The following FRMD3 variants were observed in gnomAD, a reference collection of about 807,000 sequenced individuals.
The protein encoded by FRMD3 is FERM domain containing 3, also known as FERM domain-containing protein 3.
In FRMD3, 33 loss-of-function variants were observed where a neutral mutation model predicts 70.2. The observed-to-expected ratio is 0.47, with a 90% CI of 0.36 to 0.63. The LOEUF is 0.63. Among genes scored for constraint, FRMD3 ranks in the 20% least tolerant of loss-of-function variants. The pLI, the probability that FRMD3 is intolerant of heterozygous loss-of-function variation, is 0.00. For synonymous variants in FRMD3, 279 were observed against 255.9 expected, an observed-to-expected ratio of 1.09 and a Z score of -0.86; for missense variants, 632 against 711.4, an observed-to-expected ratio of 0.89 and a Z score of 1.27.
At chr9:83,259,843 T>G (rs1157566079) in intron 13 of FRMD3, among the ~76,000 whole-genome samples, 4 of 152,124 alleles carry the variant, frequency 2.6e-5, no homozygotes, top group African/African-American at 9.7e-5. Flanking sequence ...ATACTTGCTC[T>G]GGGAGGCATG....
chr9:83,378,571 A>G (rs1227854926), intron 2 of FRMD3, among the ~76,000 whole-genome samples: 1 of 129,064 alleles, frequency 7.7e-6, no homozygotes, highest in Non-Finnish European at 1.6e-5. Context: ...TATAAAATAT[A>G]CATATAAAAT....
At chr9:83,578,933 C>A in the FRMD3 span, among the ~76,000 whole-genome samples, 3 of 151,948 alleles carry the variant, frequency 2.0e-5, no homozygotes, top group East Asian at 5.8e-4. Flanking sequence ...AAGATTCCAC[C>A]AAAAAACTGC....
intron 1 of FRMD3, among the ~76,000 whole-genome samples, chr9:83,412,832 C>A (rs969496973): frequency 2.0e-5 from 3 of 151,564 alleles, no homozygotes; most frequent in East Asian, 1.9e-4. Flanking sequence ...TCATCTCTAC[C>A]AAAAATACAA....
downstream of FRMD3, chr9:83,243,315 C>G: frequency 8.1e-7 from 1 of 1,236,686 alleles, no homozygotes; most frequent in Non-Finnish European, 1.2e-6. Context: ...TGTCTCCACC[C>G]TGTAGAGAGT....
chr9:83,283,185 C>T (rs527400798), intron 13 of FRMD3, among the ~76,000 whole-genome samples: 23 of 152,254 alleles, frequency 1.5e-4, no homozygotes, highest in African/African-American at 4.3e-4. Context: ...TTCTTGGCAT[C>T]TCCTACCCTA....
chr9:83,398,774 G>A (rs1825872335), intron 1 of FRMD3, among the ~76,000 whole-genome samples: 1 of 152,238 alleles, frequency 6.6e-6, no homozygotes, highest in East Asian at 1.9e-4. Flanking sequence ...TTTTATTAAA[G>A]GCGTTTTTGT....
Position 83,290,657 on chromosome 9 carries a change from G to A in FRMD3, c.1141C>T (p.Gln381Ter). The change falls in exon 13 of 14, where the codon CAG becomes TAG. Residue 381 changes from glutamine (Q) to a stop codon, truncating the protein, a stop_gained. Coordinates refer to ENST00000304195, the MANE Select transcript of FRMD3 (RefSeq NM_174938.6). LOFTEE classifies it high-confidence loss of function. ...TCGCTGGGGGAAGGAAGCAGGGGCT[G>A]CAGGGGTTCCATGTTAATGATGAGC... ...KQLIINMEPL[Q>*]PLLPSPSEQE... 6.2e-7 allele frequency: 1 copy of A among 1,614,050 alleles called. No individual in the cohort carries two copies. The highest frequency in any genetic ancestry group is 8.5e-7 in the Non-Finnish European group (1 of 1,179,938).
At chr9:83,563,560 C>G in the FRMD3 span, among the ~76,000 whole-genome samples, 1 of 152,098 alleles carries the variant, frequency 6.6e-6, no homozygotes, top group African/African-American at 2.4e-5. Flanking sequence ...CACAGGCAAC[C>G]ATCCTTCCTC....
At chr9:83,448,656 T>A (rs1467632760) in intron 1 of FRMD3, among the ~76,000 whole-genome samples, 1 of 151,716 alleles carries the variant, frequency 6.6e-6, no homozygotes, top group Non-Finnish European at 1.5e-5. Context: ...TCCATTCCCC[T>A]CCCTAAGACC....
intron 13 of FRMD3, among the ~76,000 whole-genome samples, chr9:83,285,406 C>G (rs1355580101): frequency 6.6e-6 from 1 of 152,190 alleles, no homozygotes; most frequent in East Asian, 1.9e-4. Context: ...ATCTAACACC[C>G]ATTGCCACCC....
chr9:83,459,043 T>A (rs913824441), intron 1 of FRMD3, among the ~76,000 whole-genome samples: 6 of 152,168 alleles, frequency 3.9e-5, no homozygotes, highest in Admixed American at 6.5e-5. Context: ...ACCCACCCAA[T>A]AGAGTAAACA....
intron 6 of FRMD3, among the ~76,000 whole-genome samples, chr9:83,321,711 T>C (rs1835809447): frequency 6.6e-6 from 1 of 152,206 alleles, no homozygotes; most frequent in Admixed American, 6.5e-5. Flanking sequence ...AAAGTCCAAC[T>C]TCAGTTCAAA....
At chr9:83,491,915 G>A (rs959944356) in intron 1 of FRMD3, among the ~76,000 whole-genome samples, 1 of 152,234 alleles carries the variant, frequency 6.6e-6, no homozygotes, top group Non-Finnish European at 1.5e-5. Context: ...GAAATGAGAA[G>A]AGACAGGCGT....
At chr9:83,534,036 T>C (rs1237036722) in intron 1 of FRMD3, among the ~76,000 whole-genome samples, 1 of 152,198 alleles carries the variant, frequency 6.6e-6, no homozygotes, top group Non-Finnish European at 1.5e-5. Flanking sequence ...TCCACTCTAA[T>C]TGAAGTAGCA....
chr9:83,417,830 G>C (rs1359042856), intron 1 of FRMD3, among the ~76,000 whole-genome samples: 1 of 152,190 alleles, frequency 6.6e-6, no homozygotes, highest in Non-Finnish European at 1.5e-5. Context: ...CCAAGGAAGA[G>C]AGGAGTGAAG....
intron 1 of FRMD3, among the ~76,000 whole-genome samples, chr9:83,457,270 T>C (rs1827844875): frequency 6.6e-6 from 1 of 152,216 alleles, no homozygotes; most frequent in South Asian, 2.1e-4. Flanking sequence ...GTTCAACTAC[T>C]CAGAAATATC....
chr9:83,244,836 A>T lies in FRMD3; in HGVS notation c.*3082T>A. Reference sequence around the variant, plus strand: ...AAATATTAGACAAACCACAAAATATATTCCAAATACATAACATTTTACAAT... The same window carrying T: ...AAATATTAGACAAACCACAAAATATTTTCCAAATACATAACATTTTACAAT... On this transcript the variant is annotated 3_prime_UTR_variant, in exon 14 of 14. Coordinates refer to ENST00000304195, the MANE Select transcript of FRMD3 (RefSeq NM_174938.6). 1.0e-6 allele frequency: 1 copy of T among 984,398 alleles called. No homozygotes were observed. The highest frequency in any genetic ancestry group is 1.2e-6 in the Non-Finnish European group (1 of 829,000). The allele number at this position is 984,398 out of a possible 1,614,324, so 61.0% of individuals were successfully genotyped here.
chr9:83,342,674 G>A (rs1823802923), intron 5 of FRMD3, among the ~76,000 whole-genome samples: 1 of 148,492 alleles, frequency 6.7e-6, no homozygotes, highest in Admixed American at 6.8e-5. Context: ...AGGATGGATG[G>A]ATGGATGGAT....
At chr9:83,553,635 C>T in the FRMD3 span, among the ~76,000 whole-genome samples, 3 of 152,134 alleles carry the variant, frequency 2.0e-5, no homozygotes, top group African/African-American at 7.2e-5. Context: ...ATTCTTTCCC[C>T]AGCTTGGTTT....
Sources: allele counts gnomAD v4.1 joint callset (sites outside exome capture counted in the v4.1 genomes callset), GRCh38; gene constraint gnomAD v4.1.1; transcripts MANE v1.5; gene names NCBI Gene and HGNC (gene_info 2026-07-23, HGNC 2026-07-21).